Variants in PPP2R2C observed in about 807,000 individuals in gnomAD.
PPP2R2C encodes the protein protein phosphatase 2 regulatory subunit Bgamma.
In PPP2R2C, 10 loss-of-function variants were observed where a neutral mutation model predicts 45.3. The observed-to-expected ratio is 0.22, with a 90% CI of 0.14 to 0.37. PPP2R2C has a LOEUF of 0.37. PPP2R2C is among the 10% of genes least tolerant of loss of function. The pLI is 1.00. For missense variants in PPP2R2C, 308 were observed against 619.7 expected, an observed-to-expected ratio of 0.50 and a Z score of 5.34; for synonymous variants, 257 against 245.4, an observed-to-expected ratio of 1.05 and a Z score of -0.44.
intron 2 of PPP2R2C, among the ~76,000 whole-genome samples, chr4:6,500,929 G>T (rs34907862): frequency 6.6e-6 from 1 of 152,122 alleles, no homozygotes; most frequent in Non-Finnish European, 1.5e-5. Flanking sequence ...GCCGTCGCAC[G>T]GCACACATCC....
chr4:6,370,242 C>G (rs1048262234), intron 5 of PPP2R2C, among the ~76,000 whole-genome samples: 1 of 152,234 alleles, frequency 6.6e-6, no homozygotes, highest in African/African-American at 2.4e-5. Flanking sequence ...TGGGCCAGTC[C>G]CTCATCTCCC....
chr4:6,471,912 G>A lies in PPP2R2C; in HGVS notation c.70+248C>T, dbSNP rs1480022778. Among the ~76,000 whole-genome samples the A allele has an allele frequency of 6.6e-6, 1 of 151,482 alleles. No homozygotes were observed. The highest frequency in any genetic ancestry group is 1.5e-5 in the Non-Finnish European group (1 of 67,824). On this transcript the variant is annotated intron_variant, in intron 1 of 8. Transcript: ENST00000382599. The surrounding 1 kb of genome is among the most constrained non-coding windows in gnomAD (Gnocchi z 5.6). ...AGAGGAAAGCTGCCTCCCGGAGGGC[G>A]GCGCGGAGGAGGGCGCTGCCCTGTG...
At chr4:6,435,904 G>A (rs955992672) in intron 1 of PPP2R2C, among the ~76,000 whole-genome samples, 19 of 152,132 alleles carry the variant, frequency 1.2e-4, no homozygotes, top group African/African-American at 4.6e-4. Flanking sequence ...AGTTGTTATG[G>A]TCTGAATGTG....
chr4:6,377,908 C>G (rs1300794132), intron 3 of PPP2R2C, among the ~76,000 whole-genome samples: 1 of 152,144 alleles, frequency 6.6e-6, no homozygotes, highest in African/African-American at 2.4e-5. Context: ...AGAGGCCGGC[C>G]GGGGTCCTAA....
chr4:6,380,779 C>G lies in PPP2R2C; in HGVS notation c.168+218G>C, dbSNP rs569415244. On this transcript the variant is annotated intron_variant, in intron 2 of 8. Coordinates refer to ENST00000382599, the MANE Select transcript of PPP2R2C (RefSeq NM_020416.4). Reference sequence around the variant, plus strand: ...GGCATTCCAAAGCATCCCATTCCCACCCCTGGAATCCATGCCCCTGGGAGA... The same window carrying G: ...GGCATTCCAAAGCATCCCATTCCCAGCCCTGGAATCCATGCCCCTGGGAGA... 2.8e-4 allele frequency among the ~76,000 whole-genome samples: 42 copies of G among 152,238 alleles called. No homozygotes were observed. The South Asian group carries it at 8.5e-3, about 31-fold the overall frequency.
chr4:6,403,310 A>G (rs2109353422), intron 1 of PPP2R2C, among the ~76,000 whole-genome samples: 1 of 152,320 alleles, frequency 6.6e-6, no homozygotes, highest in East Asian at 1.9e-4. Flanking sequence ...AGCGGAGCGG[A>G]GCCCCTTAGA....
chr4:6,347,913 G>A lies in PPP2R2C; in HGVS notation c.723C>T (p.Ser241=), dbSNP rs1231850259. 4 of 1,613,898 alleles carry A rather than the reference G, an allele frequency of 2.5e-6. No individual in the cohort carries two copies. The highest frequency in any genetic ancestry group is 2.2e-5 in the East Asian group (1 of 44,846). Residue 241 remains serine (S), a synonymous_variant, in exon 6 of 9, where the codon AGC becomes AGT. Transcript: ENST00000382599. ...HPHHCNLFVY[S]SSKGSLRLCD... is the part of the protein sequence containing the mutation. Reference sequence around the variant, plus strand: ...AGAGCCGCAGGGAGCCCTTGCTGCTGCTGTAGACGAAGAGGTTGCAGTGGT... The same window carrying A: ...AGAGCCGCAGGGAGCCCTTGCTGCTACTGTAGACGAAGAGGTTGCAGTGGT...
At chr4:6,363,578 C>CA (rs796223255) in intron 5 of PPP2R2C, among the ~76,000 whole-genome samples, 199 of 136,320 alleles carry the variant, frequency 1.5e-3, no homozygotes, top group Middle Eastern at 3.9e-3. Context: ...GTCTCCATCT[C>CA]AAAAAAAAAA....
intron 8 of PPP2R2C, among the ~76,000 whole-genome samples, chr4:6,325,908 G>A (rs551695595): frequency 1.3e-5 from 2 of 149,652 alleles, no homozygotes; most frequent in Non-Finnish European, 1.5e-5. Context: ...CTCGCCACCC[G>A]TGGCGCCTGT....
rs190655125 is a variant in PPP2R2C, at chr4:6,492,682, C to T, written c.49+42589G>A. Among the ~76,000 whole-genome samples the T allele has an allele frequency of 2.6e-5, 4 of 152,316 alleles. No homozygotes were observed. The East Asian group carries it at 5.8e-4, about 22-fold the overall frequency. ...ACTCGAATGATGTGCCCTAGGATCT[C>T]ATCCCAAATAAACTGCCTGCACCCA... On this transcript the variant is annotated intron_variant, in intron 2 of 9. Coordinates refer to the PPP2R2C transcript ENST00000506140.
At chr4:6,525,370 A>T (rs1018353935) in intron 2 of PPP2R2C, among the ~76,000 whole-genome samples, 1 of 152,124 alleles carries the variant, frequency 6.6e-6, no homozygotes, top group Non-Finnish European at 1.5e-5. Flanking sequence ...GTGCCGCTGC[A>T]CTCCAGCCTG....
At chr4:6,420,792 T>A (rs1473939547) in intron 1 of PPP2R2C, among the ~76,000 whole-genome samples, 1 of 152,160 alleles carries the variant, frequency 6.6e-6, no homozygotes, top group Non-Finnish European at 1.5e-5. Flanking sequence ...ACCTCGACGA[T>A]GACGGCACAG....
chr4:6,546,081 T>C (rs1472043260), intron 1 of PPP2R2C, among the ~76,000 whole-genome samples: 1 of 152,176 alleles, frequency 6.6e-6, no homozygotes, highest in Non-Finnish European at 1.5e-5. Flanking sequence ...AGAACGATAA[T>C]AGCAGCTGTC....
intron 2 of PPP2R2C, among the ~76,000 whole-genome samples, chr4:6,487,042 A>G (rs909381480): frequency 1.3e-5 from 2 of 152,068 alleles, no homozygotes. Context: ...GGTTTACAGT[A>G]TACATCTTTA....
chr4:6,362,105 A>T (rs1486013017), intron 5 of PPP2R2C, among the ~76,000 whole-genome samples: 1 of 152,016 alleles, frequency 6.6e-6, no homozygotes, highest in Non-Finnish European at 1.5e-5. Flanking sequence ...GTGGCTGAGC[A>T]TGAGGGAGGG....
chr4:6,322,601 G>C lies in PPP2R2C; in HGVS notation c.*701C>G, dbSNP rs1455220656. 1.3e-5 allele frequency: 2 copies of C among 152,258 alleles called. No individual in the cohort carries two copies. The highest frequency in any genetic ancestry group is 4.8e-5 in the African/African-American group (2 of 41,422). The allele number at this position is 152,258 out of a possible 1,614,324, so 9.4% of individuals were successfully genotyped here. On this transcript the variant is annotated 3_prime_UTR_variant, in exon 9 of 9. Coordinates refer to ENST00000382599, the MANE Select transcript of PPP2R2C (RefSeq NM_020416.4). This position sits in a 1 kb window ranked among gnomAD's most constrained non-coding sequence, Gnocchi z 7.8. The stretch of plus-strand genomic sequence containing the variant: ...AGCAAATGGCAGGTGAATCAGATGA[G>C]GACACAGGCACACAGAAGACAAACC...
chr4:6,456,716 C>T (rs567400035), intron 1 of PPP2R2C, among the ~76,000 whole-genome samples: 1 of 152,290 alleles, frequency 6.6e-6, no homozygotes, highest in South Asian at 2.1e-4. Context: ...GCTGCCTTCC[C>T]ACTTCCACAG....
chr4:6,413,286 C>T (rs1008365118), intron 1 of PPP2R2C, among the ~76,000 whole-genome samples: 13 of 152,318 alleles, frequency 8.5e-5, no homozygotes, highest in African/African-American at 3.1e-4. Flanking sequence ...TGTACTTACA[C>T]ATATGCATGG....
Position 6,554,948 on chromosome 4 carries a change from A to G in PPP2R2C, c.-59+8612T>C, listed in dbSNP as rs576509425. Among the ~76,000 whole-genome samples, 405 of 142,726 alleles carry G rather than the reference A, an allele frequency of 2.8e-3. 1 individual carries two copies. Among genetic ancestry groups the G allele is most frequent in the Non-Finnish European group, 4.6e-3 (304 of 66,370 alleles). The allele number at this position is 142,726 out of a possible 152,430, so 93.6% of individuals were successfully genotyped here. A position where few individuals can be genotyped will look rare whatever the true frequency, so the allele number is the denominator to read the frequency against. On this transcript the variant is annotated intron_variant, in intron 1 of 9. Coordinates refer to the PPP2R2C transcript ENST00000506140. ...GAAGGAAGGAAAGAAAGAAAGAAAG[A>G]AAGAAAGAAAGAAAGAAAGAGAAAG... is the stretch of plus-strand genomic sequence containing the variant.
Sources: allele counts gnomAD v4.1 joint callset (sites outside exome capture counted in the v4.1 genomes callset), GRCh38; gene constraint gnomAD v4.1.1; non-coding constraint Gnocchi (gnomAD v3.1); transcripts MANE v1.5; gene names NCBI Gene and HGNC (gene_info 2026-07-23, HGNC 2026-07-21).